The following JAKMIP1 variants were observed in gnomAD, a reference collection of about 807,000 sequenced individuals.
JAKMIP1 encodes janus kinase and microtubule-interacting protein 1.
JAKMIP1 carries 33 observed loss-of-function variants against 113.0 expected under a neutral mutation model. That is an observed-to-expected ratio of 0.29 (90% confidence interval 0.22 to 0.39). JAKMIP1 has a LOEUF of 0.39. Among genes scored for constraint, JAKMIP1 ranks in the 10% least tolerant of loss-of-function variants. The pLI, the probability that JAKMIP1 is intolerant of heterozygous loss-of-function variation, is 1.00. For missense variants in JAKMIP1, 813 were observed against 1,080.5 expected (o/e 0.75, Z 3.47); for synonymous variants, 480 against 459.9 (o/e 1.04, Z -0.56).
intron 3 of JAKMIP1, among the ~76,000 whole-genome samples, chr4:6,095,755 CG>C (rs1310518128): frequency 6.6e-6 from 1 of 152,124 alleles, no homozygotes; most frequent in African/African-American, 2.4e-5. Flanking sequence ...AGGGCAGGAG[CG>C]TGCATAAAGC....
rs777996918 is a variant in JAKMIP1 at position 6,179,960 on chromosome 4, T to C, written c.-148+20293A>G. 6.6e-6 allele frequency among the ~76,000 whole-genome samples: 1 copy of C among 152,214 alleles called. No individual in the cohort carries two copies. The highest frequency in any genetic ancestry group is 1.5e-5 in the Non-Finnish European group (1 of 68,034). ...GTTCCCAGCTGCCCAAAGAACTGTG[T>C]CTGTTTTGTTTTCTATCCCTAGGAC... On this transcript the variant is annotated intron_variant, in intron 1 of 20. Transcript: ENST00000409021. This position sits in a 1 kb window ranked among gnomAD's most constrained non-coding sequence, Gnocchi z 4.5.
At position 6,069,942 on chromosome 4, in the gene JAKMIP1, C is replaced by T; in HGVS notation, c.1303-4934G>A. On this transcript the variant is annotated intron_variant, in intron 8 of 20. Coordinates refer to ENST00000409021, the MANE Select transcript of JAKMIP1 (RefSeq NM_001099433.2). This position sits in a 1 kb window ranked among gnomAD's most constrained non-coding sequence, Gnocchi z 4.5. ...CCAGTCTCTCTCAGCCACCTGTCTT[C>T]TCACCTTCCTATCATTTTCAACAGA... 1 of 396,032 alleles carries T rather than the reference C, an allele frequency of 2.5e-6. No individual in the cohort carries two copies. The highest frequency in any genetic ancestry group is 4.4e-6 in the Non-Finnish European group (1 of 224,882). The allele number at this position is 396,032 out of a possible 1,614,324, so 24.5% of individuals were successfully genotyped here. A position where few individuals can be genotyped will look rare whatever the true frequency, so the allele number is the denominator to read the frequency against.
intron 2 of JAKMIP1, among the ~76,000 whole-genome samples, chr4:6,109,401 G>A (rs1306758248): frequency 6.6e-6 from 1 of 151,920 alleles, no homozygotes; most frequent in Non-Finnish European, 1.5e-5. Context: ...CCAAAGTGCT[G>A]AGATTACAGG....
rs1726020654 is a variant in JAKMIP1 at position 6,181,554 on chromosome 4, G to A, written c.-148+18699C>T. On this transcript the variant is annotated intron_variant, in intron 1 of 20. Transcript: ENST00000409021. This position sits in a 1 kb window ranked among gnomAD's most constrained non-coding sequence, Gnocchi z 5.4. ...TAACAAGCCCAGGTGATAACTGGGAGACCAGGGCCTATGGGTGCCAGCGTG... is the reference window on the plus strand; with the variant it reads ...TAACAAGCCCAGGTGATAACTGGGAAACCAGGGCCTATGGGTGCCAGCGTG... Among the ~76,000 whole-genome samples the A allele has an allele frequency of 6.6e-6, 1 of 152,216 alleles. No homozygotes were observed. Among genetic ancestry groups the A allele is most frequent in the Non-Finnish European group, 1.5e-5 (1 of 68,048 alleles).
chr4:6,050,783 G>A lies in JAKMIP1; in HGVS notation c.1807-104C>T. On this transcript the variant is annotated intron_variant, in intron 13 of 20. Transcript: ENST00000409021. This position sits in a 1 kb window ranked among gnomAD's most constrained non-coding sequence, Gnocchi z 7.4. ...AAACCAAGGAATTCCAGTGGGCACA[G>A]ACGTTACTAAAAAGCACGAGTTCGG... 1 of 902,018 alleles carries A rather than the reference G, an allele frequency of 1.1e-6. No individual in the cohort carries two copies. Among genetic ancestry groups the A allele is most frequent in the East Asian group, 2.7e-5 (1 of 37,364 alleles). 55.9% of individuals were successfully genotyped at this position (902,018 alleles called of 1,614,324 possible). A position where few individuals can be genotyped will look rare whatever the true frequency, so the allele number is the denominator to read the frequency against.
At chr4:6,068,376 A>G (rs1026441540) in intron 8 of JAKMIP1, among the ~76,000 whole-genome samples, 3 of 152,110 alleles carry the variant, frequency 2.0e-5, no homozygotes, top group African/African-American at 7.2e-5. Context: ...GCTTTGAGGG[A>G]AAGAGGAAGC....
Position 6,048,941 on chromosome 4 carries a change from C to A in JAKMIP1, c.1963-19G>T, listed in dbSNP as rs1233699189. 6.2e-7 allele frequency: 1 copy of A among 1,610,492 alleles called. No homozygotes were observed. Among genetic ancestry groups the A allele is most frequent in the South Asian group, 1.1e-5 (1 of 91,004 alleles). ...TCAAATTCTAAAACACAAAAATGGG[C>A]AAGGGCATTTGACACTGGATCCCAA... On this transcript the variant is annotated intron_variant, in intron 15 of 20. Coordinates refer to ENST00000409021, the MANE Select transcript of JAKMIP1 (RefSeq NM_001099433.2).
In JAKMIP1 at chr4:6,155,294, C is replaced by A. The variant is rs1449217032; in HGVS notation, c.-147-42297G>T. Reference sequence around the variant, plus strand: ...CTCAACGCCTTTTAATACCAGCAACCACCACTCAACCACCACCACCGCGAA... The same window carrying A: ...CTCAACGCCTTTTAATACCAGCAACAACCACTCAACCACCACCACCGCGAA... On this transcript the variant is annotated intron_variant, in intron 1 of 20. Coordinates refer to ENST00000409021, the MANE Select transcript of JAKMIP1 (RefSeq NM_001099433.2). The surrounding 1 kb of genome is among the most constrained non-coding windows in gnomAD (Gnocchi z 6.1). 1.3e-5 allele frequency among the ~76,000 whole-genome samples: 2 copies of A among 151,914 alleles called. No homozygotes were observed. Among genetic ancestry groups the A allele is most frequent in the Non-Finnish European group, 2.9e-5 (2 of 68,004 alleles).
Position 6,105,956 on chromosome 4 carries a change from C to T in JAKMIP1, c.141G>A (p.Leu47=), listed in dbSNP as rs1713871199. The T allele has an allele frequency of 2.5e-6, 4 of 1,596,012 alleles. No individual in the cohort carries two copies. Among genetic ancestry groups the T allele is most frequent in the African/African-American group, 1.3e-5 (1 of 74,802 alleles). ...FQQEKSKVGK[L]RERLQEAKLE... The stretch of plus-strand genomic sequence containing the variant: ...GCTTCGCCTCCTGCAGCCGCTCGCG[C>T]AGTTTGCCCACCTGCAGCCAGAGCG... Residue 47 remains leucine, a synonymous_variant, in exon 3 of 21, where the codon CTG becomes CTA. Coordinates refer to ENST00000409021, the MANE Select transcript of JAKMIP1 (RefSeq NM_001099433.2).
chr4:6,126,327 C>T (rs915443339), intron 1 of JAKMIP1, among the ~76,000 whole-genome samples: 11 of 126,516 alleles, frequency 8.7e-5, no homozygotes, highest in Non-Finnish European at 1.8e-4. Context: ...AAACATACAC[C>T]TTGCAGAAAC....
chr4:6,155,157 A>AATG lies in JAKMIP1; in HGVS notation c.-147-42161_-147-42160insCAT, dbSNP rs1553855242. Among the ~76,000 whole-genome samples the AATG allele has an allele frequency of 0.03, 4,542 of 152,232 alleles. 235 individuals are homozygous for AATG. Among genetic ancestry groups the AATG allele is most frequent in the African/African-American group, 0.1 (4,302 of 41,508 alleles). ...CAATGCAGTTGACTCTCCGCTATCA[A>AATG]AAGGCCTACACATGAATGCCTGGCT... On this transcript the variant is annotated intron_variant, in intron 1 of 20. Transcript: ENST00000409021. The surrounding 1 kb of genome is among the most constrained non-coding windows in gnomAD (Gnocchi z 6.1).
intron 8 of JAKMIP1, among the ~76,000 whole-genome samples, chr4:6,070,915 C>T (rs978556647): frequency 2.6e-5 from 4 of 152,134 alleles, no homozygotes; most frequent in Admixed American, 6.5e-5. Context: ...TTCCATCTCT[C>T]GGAGAAGCGT....
intron 11 of JAKMIP1, among the ~76,000 whole-genome samples, chr4:6,058,339 C>A (rs941717935): frequency 6.6e-6 from 1 of 152,204 alleles, no homozygotes; most frequent in African/African-American, 2.4e-5. Context: ...ATACTAACAA[C>A]TCTTTGTTAA....
intron 2 of JAKMIP1, among the ~76,000 whole-genome samples, chr4:6,109,495 G>T (rs1047180460): frequency 6.6e-6 from 1 of 151,754 alleles, no homozygotes; most frequent in African/African-American, 2.4e-5. Flanking sequence ...AACTGCCCCT[G>T]TGAAGCCTTG....
In JAKMIP1 at chr4:6,049,953, C is replaced by A; in HGVS notation, c.1909-81G>T. The A allele has an allele frequency of 1.1e-6, 1 of 946,454 alleles. No homozygotes were observed. 58.6% of individuals were successfully genotyped at this position (946,454 alleles called of 1,614,324 possible). On this transcript the variant is annotated intron_variant, in intron 14 of 20. Transcript: ENST00000409021. This position sits in a 1 kb window ranked among gnomAD's most constrained non-coding sequence, Gnocchi z 7.0. ...AATTTCTAGGGCCACGGCCTTTCCT[C>A]TGGACAAGACACCGCGCTCTTTCTT...
At chr4:6,039,280 G>A (rs1307751847) in intron 18 of JAKMIP1, among the ~76,000 whole-genome samples, 1 of 152,208 alleles carries the variant, frequency 6.6e-6, no homozygotes, top group East Asian at 1.9e-4. Flanking sequence ...TGCCAGTTCT[G>A]CAAGATGTCC....
At chr4:6,128,715 T>C (rs941755604) in intron 1 of JAKMIP1, among the ~76,000 whole-genome samples, 2 of 152,136 alleles carry the variant, frequency 1.3e-5, no homozygotes, top group Non-Finnish European at 2.9e-5. Context: ...AAGTCCTCTC[T>C]AGAGTCCTTC....
Position 6,111,303 on chromosome 4 carries a change from A to T in JAKMIP1, c.129+1419T>A, listed in dbSNP as rs1302607119. ...AGCCAGAGGGCACCTTCGGGGCTTC[A>T]GATAGACCTTCAACTGCTCGAGCCA... On this transcript the variant is annotated intron_variant, in intron 2 of 20. Transcript: ENST00000409021. 2.0e-5 allele frequency among the ~76,000 whole-genome samples: 3 copies of T among 152,180 alleles called. No homozygotes were observed. The East Asian group carries it at 5.8e-4, about 29-fold the overall frequency.
chr4:6,070,721 G>C (rs569628317), intron 8 of JAKMIP1, among the ~76,000 whole-genome samples: 2 of 152,346 alleles, frequency 1.3e-5, no homozygotes, highest in South Asian at 4.1e-4. Context: ...TTTATCTGCT[G>C]TTCCCCGACA....
Sources: allele counts gnomAD v4.1 joint callset (sites outside exome capture counted in the v4.1 genomes callset), GRCh38; gene constraint gnomAD v4.1.1; non-coding constraint Gnocchi (gnomAD v3.1); transcripts MANE v1.5; gene names NCBI Gene and HGNC (gene_info 2026-07-23, HGNC 2026-07-21).